JAK1: variants seen among roughly 807,000 people sequenced by gnomAD.
JAK1 encodes tyrosine-protein kinase JAK1.
Under a neutral mutation model 136.6 loss-of-function variants are expected in JAK1, and 16 were observed. The ratio of observed to expected loss-of-function variants is 0.12; its 90% CI spans 0.08 to 0.18. The LOEUF is 0.18. JAK1 is among the 10% of genes least tolerant of loss of function. JAK1 has a pLI of 1.00. For missense variants in JAK1, 859 were observed against 1,450.1 expected (o/e 0.59, Z 6.62); for synonymous variants, 492 against 519.5 (o/e 0.95, Z 0.72).
Position 64,878,185 on chromosome 1 carries a change from C to A in JAK1, c.329+840G>T, listed in dbSNP as rs183120239. Among the ~76,000 whole-genome samples the A allele has an allele frequency of 5.9e-5, 9 of 152,294 alleles. No individual in the cohort carries two copies. The East Asian group carries it at 1.4e-3, about 23-fold the overall frequency. ...ACCTGCTTTTCAAAAAGGATCCACC[C>A]TATTTATAATCTCCACTGCTAAACA... On this transcript the variant is annotated intron_variant, in intron 4 of 24. Coordinates refer to ENST00000342505, the MANE Select transcript of JAK1 (RefSeq NM_002227.4).
intron 1 of JAK1, among the ~76,000 whole-genome samples, chr1:64,923,243 T>A (rs1645526171): frequency 6.6e-6 from 1 of 152,176 alleles, no homozygotes; most frequent in Non-Finnish European, 1.5e-5. Context: ...GTTTCTGGGA[T>A]CACTATTTGC....
chr1:65,065,708 C>A (rs1648010244), intron 1 of JAK1, among the ~76,000 whole-genome samples: 2 of 149,698 alleles, frequency 1.3e-5, no homozygotes, highest in Non-Finnish European at 1.5e-5. Context: ...GCTGGAAAAG[C>A]AAAAGGGGCC....
At chr1:64,878,926 A>T (rs1472932282) in intron 4 of JAK1, 99 bp downstream of exon 4, 1 of 1,137,846 alleles carries the variant, frequency 8.8e-7, no homozygotes. Flanking sequence ...TACAAAAATG[A>T]CTACAATACT....
intron 3 of JAK1, among the ~76,000 whole-genome samples, chr1:64,881,483 T>A (rs1378762610): frequency 6.6e-6 from 1 of 151,854 alleles, no homozygotes; most frequent in Admixed American, 6.6e-5. Context: ...AAACAAAACT[T>A]TACCCCACAG....
chr1:65,015,849 T>C (rs528764988), intron 2 of JAK1, among the ~76,000 whole-genome samples: 2 of 152,152 alleles, frequency 1.3e-5, no homozygotes, highest in Non-Finnish European at 2.9e-5. Flanking sequence ...AAGTATTATA[T>C]ATATATCCCA....
rs1655113650 is a variant in JAK1, at chr1:64,844,675, C to G, written c.2251+79G>C. On this transcript the variant is annotated intron_variant, in intron 16 of 24. Transcript: ENST00000342505. This position sits in a 1 kb window ranked among gnomAD's most constrained non-coding sequence, Gnocchi z 5.7. The stretch of plus-strand genomic sequence containing the variant: ...AAAAAATGACTCTCTAAAAGGAGAC[C>G]AACCCCAGCCCAGCCCTTCTCTCTG... 5 of 1,565,632 alleles carry G rather than the reference C, an allele frequency of 3.2e-6. No homozygotes were observed. Among genetic ancestry groups the G allele is most frequent in the Non-Finnish European group, 4.4e-6 (5 of 1,141,818 alleles).
intron 2 of JAK1, among the ~76,000 whole-genome samples, chr1:65,044,164 C>T (rs923537714): frequency 3.3e-5 from 5 of 152,142 alleles, no homozygotes; most frequent in Admixed American, 6.5e-5. Context: ...GCCCTATTTA[C>T]GTAACATTTT....
intron 2 of JAK1, chr1:64,992,952 T>A (rs560728813): frequency 2.0e-5 from 3 of 151,410 alleles, no homozygotes; most frequent in Non-Finnish European, 2.9e-5. Flanking sequence ...TATCCTCTAA[T>A]GTCCCCTGTA....
intron 1 of JAK1, among the ~76,000 whole-genome samples, chr1:65,057,458 T>C (rs996165720): frequency 8.5e-5 from 13 of 152,174 alleles, no homozygotes; most frequent in African/African-American, 3.1e-4. Flanking sequence ...CCCAGCACTT[T>C]GGGAGGCTGA....
intron 1 of JAK1, among the ~76,000 whole-genome samples, chr1:65,053,277 C>T (rs893430718): frequency 6.6e-5 from 10 of 151,832 alleles, no homozygotes; most frequent in African/African-American, 2.2e-4. Context: ...ACCCGGGAGG[C>T]GGAGGTTGCA....
chr1:64,999,781 C>T (rs1646736669), intron 2 of JAK1, among the ~76,000 whole-genome samples: 1 of 151,518 alleles, frequency 6.6e-6, no homozygotes. Context: ...GGATCCTCCC[C>T]AAACTGGGTG....
At chr1:65,039,713 T>C (rs751663323) in intron 2 of JAK1, among the ~76,000 whole-genome samples, 22 of 152,172 alleles carry the variant, frequency 1.4e-4, no homozygotes, top group Non-Finnish European at 3.1e-4. Context: ...CTAGGGTGAT[T>C]CAGCAGGAAA....
intron 2 of JAK1, chr1:64,986,109 GTT>G (rs35258864): frequency 2.1e-3 from 1,139 of 549,594 alleles, no homozygotes; most frequent in East Asian, 3.1e-3. Context: ...CAATCTAATT[GTT>G]TTTTTTTTTT....
chr1:64,847,718 G>A, intron 12 of JAK1, 43 bp from the exon 13 acceptor site: 2 of 1,603,938 alleles, frequency 1.2e-6, no homozygotes, highest in Non-Finnish European at 1.7e-6. Flanking sequence ...TCTGTGCCCT[G>A]AAGTGATGGA....
At chr1:64,839,502 G>A in intron 20 of JAK1, 101 bp downstream of exon 20, 1 of 953,010 alleles carries the variant, frequency 1.0e-6, no homozygotes, top group Non-Finnish European at 1.6e-6. Flanking sequence ...TAGCATGTCA[G>A]ACGCCCAGGT....
chr1:65,000,850 G>GTT (rs769364813), intron 2 of JAK1, among the ~76,000 whole-genome samples: 1 of 144,782 alleles, frequency 6.9e-6, no homozygotes, highest in Non-Finnish European at 1.5e-5. Context: ...AAAAAGGAGG[G>GTT]TTTTTTTTTT....
chr1:64,903,734 C>G (rs542549455), intron 1 of JAK1, among the ~76,000 whole-genome samples: 1 of 152,300 alleles, frequency 6.6e-6, no homozygotes, highest in Admixed American at 6.5e-5. Context: ...AGGGATAAAA[C>G]GACTATGTGG....
At position 64,929,914 on chromosome 1, in the gene JAK1, C is replaced by T. The variant is rs557662040; in HGVS notation, c.-78+36419G>A. On this transcript the variant is annotated intron_variant, in intron 1 of 24. Transcript: ENST00000342505. ...CCATCTGATCTTTGACGAATCTGAC[C>T]TAAACAAGCAATGGGGAAAGGATTC... Among the ~76,000 whole-genome samples, 5 of 152,216 alleles carry T rather than the reference C, an allele frequency of 3.3e-5. No individual in the cohort carries two copies. The South Asian group carries it at 8.3e-4, about 25-fold the overall frequency.
chr1:65,006,791 T>C (rs1646807171), intron 2 of JAK1, among the ~76,000 whole-genome samples: 1 of 152,234 alleles, frequency 6.6e-6, no homozygotes, highest in Non-Finnish European at 1.5e-5. Context: ...ATATAAAATA[T>C]TTTATCTTCA....
Sources: allele counts gnomAD v4.1 joint callset (sites outside exome capture counted in the v4.1 genomes callset), GRCh38; gene constraint gnomAD v4.1.1; non-coding constraint Gnocchi (gnomAD v3.1); transcripts MANE v1.5; gene names NCBI Gene and HGNC (gene_info 2026-07-23, HGNC 2026-07-21).